HYDIN: variants seen among roughly 807,000 people sequenced by gnomAD.
The protein encoded by HYDIN is HYDIN axonemal central pair apparatus protein, also known as axonemal central pair apparatus protein HYDIN.
HYDIN carries 132 observed loss-of-function variants against 403.9 expected under a neutral mutation model. The ratio of observed to expected loss-of-function variants is 0.33; its 90% confidence interval spans 0.28 to 0.38. The LOEUF (loss-of-function observed/expected upper bound fraction) is 0.38, where lower values mean the gene tolerates loss of function less well. HYDIN is among the 10% of genes least tolerant of loss of function. The pLI is 1.00. For synonymous variants in HYDIN, 1,202 were observed against 1,891.7 expected, an observed-to-expected ratio of 0.64 and a Z score of 9.46; for missense variants, 2,827 against 5,009.5, an observed-to-expected ratio of 0.56 and a Z score of 13.15.
chr16:71,229,323 A>G (rs1319191358), intron 1 of HYDIN, among the ~76,000 whole-genome samples: 2 of 152,166 alleles, frequency 1.3e-5, no homozygotes, highest in African/African-American at 4.8e-5. Flanking sequence ...TATACATATA[A>G]AAAAAAGATC....
chr16:71,217,311 C>T (rs574881945), intron 1 of HYDIN, among the ~76,000 whole-genome samples: 7 of 152,274 alleles, frequency 4.6e-5, no homozygotes, highest in African/African-American at 1.7e-4. Context: ...TTCATGAATA[C>T]AGGTACCTCT....
At chr16:70,820,194 T>TC (rs1236031103) in intron 83 of HYDIN, among the ~76,000 whole-genome samples, 1 of 128,284 alleles carries the variant, frequency 7.8e-6, no homozygotes, top group African/African-American at 2.9e-5. Context: ...TTTCTTTTTT[T>TC]TTTTTTTTTT....
chr16:71,179,818 G>A (rs1003703754), intron 3 of HYDIN, among the ~76,000 whole-genome samples: 1 of 152,184 alleles, frequency 6.6e-6, no homozygotes, highest in Non-Finnish European at 1.5e-5. Flanking sequence ...ATTACCCCAA[G>A]CTAGTAGCCT....
At chr16:71,098,393 G>A (rs1186084544) in intron 10 of HYDIN, among the ~76,000 whole-genome samples, 3 of 151,544 alleles carry the variant, frequency 2.0e-5, no homozygotes, top group East Asian at 3.9e-4. Flanking sequence ...TAGTAGAAAC[G>A]GGGCTTCACC....
chr16:70,888,810 C>G (rs1385413525), intron 58 of HYDIN, among the ~76,000 whole-genome samples: 2 of 152,132 alleles, frequency 1.3e-5, no homozygotes, highest in Non-Finnish European at 2.9e-5. Flanking sequence ...TTGGCCTTTG[C>G]TAGCAGAGGT....
chr16:71,083,808 T>C (rs1462710309), intron 12 of HYDIN, among the ~76,000 whole-genome samples: 1 of 146,378 alleles, frequency 6.8e-6, no homozygotes, highest in African/African-American at 2.5e-5. Context: ...AGTGTATCGA[T>C]GCTGCATATG....
At chr16:71,176,435 T>G (rs764281646) in intron 4 of HYDIN, among the ~76,000 whole-genome samples, 1 of 152,154 alleles carries the variant, frequency 6.6e-6, no homozygotes, top group African/African-American at 2.4e-5. Flanking sequence ...GAAGTCACAC[T>G]TCCTGCACCC....
chr16:71,190,827 C>T (rs1452003527), intron 1 of HYDIN, among the ~76,000 whole-genome samples: 5 of 152,160 alleles, frequency 3.3e-5, no homozygotes, highest in Non-Finnish European at 7.3e-5. Flanking sequence ...ATCTAAGCCT[C>T]CGACCTACCA....
intron 1 of HYDIN, among the ~76,000 whole-genome samples, chr16:71,215,434 A>T (rs1331488621): frequency 6.6e-6 from 1 of 152,210 alleles, no homozygotes; most frequent in Non-Finnish European, 1.5e-5. Flanking sequence ...CTATTTGAAA[A>T]TCATCACACT....
In HYDIN at chr16:71,068,132, T is replaced by C. The variant is rs913182148; in HGVS notation, c.1975-742A>G. 6.3e-4 allele frequency among the ~76,000 whole-genome samples: 94 copies of C among 149,048 alleles called. No homozygotes were observed. The East Asian group carries it at 0.016, about 26-fold the overall frequency. On this transcript the variant is annotated intron_variant, in intron 14 of 85. Coordinates refer to ENST00000393567, the MANE Select transcript of HYDIN (RefSeq NM_001270974.2). ...CTCAGAACATTTTACCCTGTGTTTT[T>C]ATTTCCTGCTGTGAAGCTGTACATT...
At chr16:71,100,292 T>C (rs2083418031) in intron 10 of HYDIN, among the ~76,000 whole-genome samples, 1 of 152,242 alleles carries the variant, frequency 6.6e-6, no homozygotes, top group Non-Finnish European at 1.5e-5. Context: ...GAAGATTCAA[T>C]GTCATCGAGA....
rs2077140480 is a variant in HYDIN, at chr16:70,925,944, T to A, written c.7159-4727A>T. 2.7e-5 allele frequency among the ~76,000 whole-genome samples: 4 copies of A among 148,462 alleles called. No homozygotes were observed. The South Asian group carries it at 8.6e-4, about 32-fold the overall frequency. ...TCACACCAGTTAGAATGGCAATCAT[T>A]AAAAAGTCAGGAAACAACAGGTGCT... is the stretch of plus-strand genomic sequence containing the variant. On this transcript the variant is annotated intron_variant, in intron 45 of 85. Transcript: ENST00000393567.
chr16:71,199,871 C>A (rs2144702095), intron 1 of HYDIN, among the ~76,000 whole-genome samples: 1 of 152,294 alleles, frequency 6.6e-6, no homozygotes, highest in Non-Finnish European at 1.5e-5. Context: ...GCAACTCCAT[C>A]TTGAGTAGGA....
intron 66 of HYDIN, 21 bp downstream of exon 66, chr16:70,868,549 G>T: frequency 6.2e-7 from 1 of 1,602,466 alleles, no homozygotes; most frequent in Non-Finnish European, 8.5e-7. Context: ...GGTCAGATTG[G>T]TGCTTGATGT....
chr16:70,994,534 T>C (rs1034319067), intron 23 of HYDIN, among the ~76,000 whole-genome samples: 3 of 151,206 alleles, frequency 2.0e-5, no homozygotes, highest in Admixed American at 6.6e-5. Flanking sequence ...ACCACTCCAT[T>C]AGGGGCAGAG....
chr16:70,872,860 T>A (rs1471236176), intron 64 of HYDIN, among the ~76,000 whole-genome samples: 1 of 150,806 alleles, frequency 6.6e-6, no homozygotes, highest in East Asian at 2.0e-4. Flanking sequence ...CACCCATCCA[T>A]CCATCCATCA....
At chr16:71,171,525 A>T (rs2086462786) in intron 5 of HYDIN, among the ~76,000 whole-genome samples, 1 of 152,230 alleles carries the variant, frequency 6.6e-6, no homozygotes, top group African/African-American at 2.4e-5. Flanking sequence ...AATATTATTC[A>T]TTTGTAATCT....
chr16:71,023,605 C>T (rs1281330137), intron 21 of HYDIN, among the ~76,000 whole-genome samples: 1 of 131,892 alleles, frequency 7.6e-6, no homozygotes, highest in East Asian at 2.1e-4. Flanking sequence ...GTTTTCTGTT[C>T]CTGTGTAAGT....
intron 10 of HYDIN, among the ~76,000 whole-genome samples, chr16:71,097,903 C>T (rs2083321347): frequency 6.6e-6 from 1 of 152,084 alleles, no homozygotes; most frequent in Admixed American, 6.6e-5. Context: ...ATTTTAACAC[C>T]TTGTGACATT....
Sources: gnomAD v4.1 joint callset for allele counts (sites outside exome capture counted in the v4.1 genomes callset) on GRCh38, gnomAD v4.1.1 for gene constraint, MANE v1.5 for transcripts, NCBI Gene and HGNC (gene_info 2026-07-23, HGNC 2026-07-21) for gene names.